NKAIN2: variants seen among roughly 807,000 people sequenced by gnomAD.
NKAIN2 encodes the protein sodium/potassium-transporting ATPase subunit beta-1-interacting protein 2.
Under a neutral mutation model 32.6 loss-of-function variants are expected in NKAIN2, and 14 were observed. The ratio of observed to expected loss-of-function variants is 0.43; its 90% confidence interval spans 0.28 to 0.67. The LOEUF is 0.67. Among genes scored for constraint, NKAIN2 ranks in the 30% least tolerant of loss-of-function variants. The probability of loss-of-function intolerance (pLI) is 0.17; values close to 1 mark genes in which losing one functional copy is unlikely to be tolerated. For missense variants in NKAIN2, 198 were observed against 258.3 expected (o/e 0.77, Z 1.60); for synonymous variants, 80 against 87.2 (o/e 0.92, Z 0.46).
intron 4 of NKAIN2, among the ~76,000 whole-genome samples, chr6:124,755,825 A>G (rs1384810058): frequency 6.6e-6 from 1 of 152,164 alleles, no homozygotes; most frequent in African/African-American, 2.4e-5. Context: ...ACACAAGTTG[A>G]CCTATGTAAC....
chr6:124,431,986 G>A (rs1017536947), intron 3 of NKAIN2, among the ~76,000 whole-genome samples: 3 of 152,092 alleles, frequency 2.0e-5, no homozygotes, highest in East Asian at 3.9e-4. Flanking sequence ...GGGAAACAAG[G>A]GAAATAAAAG....
intron 3 of NKAIN2, among the ~76,000 whole-genome samples, chr6:124,552,471 C>T (rs371100562): frequency 6.6e-5 from 10 of 152,138 alleles, no homozygotes; most frequent in Non-Finnish European, 8.8e-5. Context: ...CCGTTTCTTT[C>T]GCCACATAGA....
chr6:124,487,034 T>C (rs1777679601), intron 3 of NKAIN2, among the ~76,000 whole-genome samples: 1 of 152,250 alleles, frequency 6.6e-6, no homozygotes, highest in Admixed American at 6.5e-5. Context: ...TCAAGCAAGG[T>C]GTCTCACCCT....
chr6:123,864,996 T>G (rs1775927629), intron 1 of NKAIN2, among the ~76,000 whole-genome samples: 1 of 152,140 alleles, frequency 6.6e-6, no homozygotes, highest in Non-Finnish European at 1.5e-5. Flanking sequence ...AAGAATATGT[T>G]CACATTTTTT....
intron 1 of NKAIN2, among the ~76,000 whole-genome samples, chr6:124,281,087 G>A (rs1262440927): frequency 6.6e-6 from 1 of 151,684 alleles, no homozygotes; most frequent in African/African-American, 2.4e-5. Context: ...TTCATAATTG[G>A]TGCATTTATT....
intron 1 of NKAIN2, among the ~76,000 whole-genome samples, chr6:124,078,051 A>T (rs1266389965): frequency 6.6e-6 from 1 of 152,162 alleles, no homozygotes; most frequent in Admixed American, 6.6e-5. Context: ...CTCAGTCCTC[A>T]TAATTTCATT....
At chr6:124,321,192 C>T (rs548887833) in intron 2 of NKAIN2, among the ~76,000 whole-genome samples, 249 of 152,232 alleles carry the variant, frequency 1.6e-3, no homozygotes, top group African/African-American at 5.6e-3. Context: ...TCTGTTTTCC[C>T]ATTGATTACT....
intron 6 of NKAIN2, 121 bp downstream of exon 6, chr6:124,818,589 T>A: frequency 2.1e-6 from 1 of 470,860 alleles, no homozygotes; most frequent in Admixed American, 3.7e-5. Context: ...GTATTTTTTC[T>A]ATTAATATTG....
At position 123,857,238 on chromosome 6, in the gene NKAIN2, A is replaced by G. The variant is rs137872148; in HGVS notation, c.54+52984A>G. On this transcript the variant is annotated intron_variant, in intron 1 of 6. Coordinates refer to ENST00000368417, the MANE Select transcript of NKAIN2 (RefSeq NM_001040214.3). The stretch of plus-strand genomic sequence containing the variant: ...AACCCTGTACCAGCAGGACCTCATC[A>G]TTTAAAACAAGCCTGTGATTTAGAT... Among the ~76,000 whole-genome samples, 61 of 148,920 alleles carry G rather than the reference A, an allele frequency of 4.1e-4. No homozygotes were observed. The East Asian group carries it at 0.011, about 26-fold the overall frequency.
intron 3 of NKAIN2, among the ~76,000 whole-genome samples, chr6:124,461,282 CTTAA>C (rs1776520564): frequency 6.6e-6 from 1 of 151,662 alleles, no homozygotes; most frequent in South Asian, 2.1e-4. Context: ...TTTAGTGTAG[CTTAA>C]TTGTGACCGT....
At chr6:124,447,348 G>T (rs951408283) in intron 3 of NKAIN2, among the ~76,000 whole-genome samples, 5 of 152,086 alleles carry the variant, frequency 3.3e-5, no homozygotes, top group African/African-American at 1.2e-4. Context: ...AATGCTAACT[G>T]AATAAAAATA....
intron 3 of NKAIN2, among the ~76,000 whole-genome samples, chr6:124,613,886 T>C (rs1239179284): frequency 6.6e-6 from 1 of 152,226 alleles, no homozygotes; most frequent in Non-Finnish European, 1.5e-5. Context: ...CCATTAAATA[T>C]ATGTGGAATA....
At chr6:124,473,299 G>A (rs1309283846) in intron 3 of NKAIN2, among the ~76,000 whole-genome samples, 1 of 152,158 alleles carries the variant, frequency 6.6e-6, no homozygotes, top group Non-Finnish European at 1.5e-5. Flanking sequence ...GGAAGGTGAG[G>A]TGGCCAGGCT....
At chr6:124,173,545 A>C (rs1024879293) in intron 1 of NKAIN2, among the ~76,000 whole-genome samples, 1 of 152,110 alleles carries the variant, frequency 6.6e-6, no homozygotes, top group Non-Finnish European at 1.5e-5. Flanking sequence ...TAATATTAAT[A>C]GGCCCTTTGA....
intron 2 of NKAIN2, among the ~76,000 whole-genome samples, chr6:124,318,197 G>A (rs1797040056): frequency 6.6e-6 from 1 of 151,946 alleles, no homozygotes; most frequent in African/African-American, 2.4e-5. Context: ...GCTATTAGAG[G>A]ACCTAAACAG....
chr6:124,700,422 A>T (rs770562973), intron 4 of NKAIN2, among the ~76,000 whole-genome samples: 1 of 152,200 alleles, frequency 6.6e-6, no homozygotes, highest in South Asian at 2.1e-4. Flanking sequence ...CAAGAGGTTC[A>T]TAACAACTGA....
At chr6:124,552,027 T>C (rs559121654) in intron 3 of NKAIN2, among the ~76,000 whole-genome samples, 1 of 152,334 alleles carries the variant, frequency 6.6e-6, no homozygotes, top group East Asian at 1.9e-4. Flanking sequence ...AACAGCATAC[T>C]GAACAGAAGT....
chr6:124,531,678 T>A (rs1023093434), intron 3 of NKAIN2, among the ~76,000 whole-genome samples: 2 of 152,188 alleles, frequency 1.3e-5, no homozygotes, highest in Non-Finnish European at 2.9e-5. Flanking sequence ...TTTTTCTTTC[T>A]TTCTGTTTTT....
chr6:124,572,730 C>T (rs907057153), intron 3 of NKAIN2, among the ~76,000 whole-genome samples: 1 of 152,034 alleles, frequency 6.6e-6, no homozygotes, highest in African/African-American at 2.4e-5. Context: ...AGATCAATAT[C>T]AAGATATTTT....
Sources: allele counts gnomAD v4.1 joint callset (sites outside exome capture counted in the v4.1 genomes callset), GRCh38; gene constraint gnomAD v4.1.1; transcripts MANE v1.5; gene names NCBI Gene and HGNC (gene_info 2026-07-23, HGNC 2026-07-21).